Variants in TMTC2 observed in about 807,000 individuals in gnomAD.
TMTC2 encodes the protein protein O-mannosyl-transferase TMTC2.
TMTC2 carries 43 observed loss-of-function variants against 82.4 expected under a neutral mutation model. The observed-to-expected ratio is 0.52, with a 90% CI of 0.41 to 0.67. TMTC2 has a LOEUF of 0.67. Ranked by LOEUF, TMTC2 falls within the 30% of genes least tolerant of loss-of-function variation. The pLI is 0.00. For missense variants in TMTC2, 919 were observed against 1,012.4 expected (o/e 0.91, Z 1.25); for synonymous variants, 408 against 381.9 (o/e 1.07, Z -0.80).
In TMTC2 at chr12:82,687,485, T is replaced by C. The variant is rs1872371628; in HGVS notation, c.-102T>C. ...TGGGGAAGCGAGGGAAAAGTGAAGC[T>C]GGGAGGAGAAGGCGGCGGAAGGTGG... On this transcript the variant is annotated 5_prime_UTR_variant, in exon 1 of 12. Transcript: ENST00000321196. 7 of 1,133,810 alleles carry C rather than the reference T, an allele frequency of 6.2e-6. No homozygotes were observed. Among genetic ancestry groups the C allele is most frequent in the Admixed American group, 2.0e-5 (1 of 48,964 alleles). The allele number at this position is 1,133,810 out of a possible 1,614,324, so 70.2% of individuals were successfully genotyped here.
At chr12:83,006,847 A>G (rs996091821) in intron 8 of TMTC2, among the ~76,000 whole-genome samples, 3 of 152,172 alleles carry the variant, frequency 2.0e-5, no homozygotes, top group Non-Finnish European at 4.4e-5. Flanking sequence ...AAACTATCAC[A>G]AGGACAGAAA....
chr12:82,844,341 G>A (rs1357185217), intron 1 of TMTC2, among the ~76,000 whole-genome samples: 2 of 152,186 alleles, frequency 1.3e-5, no homozygotes, highest in Admixed American at 1.3e-4. Flanking sequence ...TTAACTGGGT[G>A]TATTCTTAGC....
chr12:82,935,610 A>G (rs568390221), intron 4 of TMTC2, among the ~76,000 whole-genome samples: 2 of 152,188 alleles, frequency 1.3e-5, no homozygotes, highest in Non-Finnish European at 2.9e-5. Flanking sequence ...GAAAGAGTCA[A>G]TGTCCTTTTG....
intron 8 of TMTC2, among the ~76,000 whole-genome samples, chr12:83,013,011 A>G (rs1880529092): frequency 1.3e-5 from 2 of 152,166 alleles, no homozygotes; most frequent in African/African-American, 2.4e-5. Context: ...ATTTACACTG[A>G]AAAAGATTAT....
chr12:83,099,774 G>C (rs1440896720), intron 11 of TMTC2, among the ~76,000 whole-genome samples: 2 of 151,316 alleles, frequency 1.3e-5, no homozygotes, highest in East Asian at 3.9e-4. Flanking sequence ...CCTTACCCTT[G>C]CAAATAATGT....
intron 1 of TMTC2, among the ~76,000 whole-genome samples, chr12:82,826,647 G>A (rs1565767795): frequency 6.6e-6 from 1 of 152,098 alleles, no homozygotes; most frequent in African/African-American, 2.4e-5. Flanking sequence ...CTTCAGTGGG[G>A]GTAGAAAGTC....
In TMTC2 at chr12:82,795,920, G is replaced by T. The variant is rs568542090; in HGVS notation, c.84-61090G>T. On this transcript the variant is annotated intron_variant, in intron 1 of 11. Transcript: ENST00000321196. ...CAAAGCAAACTAAGATAACAGTGGA[G>T]AACATGATTAAGTGATTTCCACTGC... Among the ~76,000 whole-genome samples the T allele has an allele frequency of 3.0e-3, 451 of 152,288 alleles. 4 individuals carry two copies. The highest frequency in any genetic ancestry group is 0.011 in the South Asian group (55 of 4,824).
At chr12:83,081,737 C>T (rs1325770633) in intron 11 of TMTC2, among the ~76,000 whole-genome samples, 2 of 152,140 alleles carry the variant, frequency 1.3e-5, no homozygotes, top group Non-Finnish European at 2.9e-5. Flanking sequence ...AAATAATCTA[C>T]TTAGAAATAT....
rs144733718 is a variant in TMTC2, at chr12:83,059,566, G to GT, written c.2268-2195dup. ...GACATATATAGTAAATCCTAGTGGGGTTTTTTTCCCACCTCATCAGAATTT... is the reference window on the plus strand; with the variant it reads ...GACATATATAGTAAATCCTAGTGGGGTTTTTTTTCCCACCTCATCAGAATTT... On this transcript the variant is annotated intron_variant, in intron 10 of 11. Coordinates refer to ENST00000321196, the MANE Select transcript of TMTC2 (RefSeq NM_152588.3). Among the ~76,000 whole-genome samples the GT allele has an allele frequency of 2.0e-5, 3 of 151,558 alleles. No homozygotes were observed. The South Asian group carries it at 6.2e-4, about 31-fold the overall frequency.
At chr12:82,964,259 A>G (rs1200218096) in intron 4 of TMTC2, among the ~76,000 whole-genome samples, 1 of 152,008 alleles carries the variant, frequency 6.6e-6, no homozygotes. Flanking sequence ...CCTTGTTTTC[A>G]TAGACATGCC....
At chr12:82,991,355 C>G (rs1241036467) in intron 8 of TMTC2, among the ~76,000 whole-genome samples, 1 of 152,018 alleles carries the variant, frequency 6.6e-6, no homozygotes, top group Non-Finnish European at 1.5e-5. Flanking sequence ...CTACTTATTC[C>G]CCCATCCTCT....
rs565331167 is a variant in TMTC2, at chr12:82,877,820, A to G, written c.655-17998A>G. On this transcript the variant is annotated intron_variant, in intron 2 of 11. Transcript: ENST00000321196. ...TCCCATTGTTTTAATGCCCCAATTA[A>G]TACAGTACCCAGTAGAAGAAAAAAC... 3.6e-4 allele frequency among the ~76,000 whole-genome samples: 55 copies of G among 152,318 alleles called. No individual in the cohort carries two copies. The South Asian group carries it at 0.01, about 28-fold the overall frequency.
chr12:83,078,520 G>C (rs890967489), intron 11 of TMTC2, among the ~76,000 whole-genome samples: 3 of 152,214 alleles, frequency 2.0e-5, no homozygotes, highest in Admixed American at 1.3e-4. Context: ...AAATTTTTCA[G>C]TTTTTGTCGT....
intron 2 of TMTC2, among the ~76,000 whole-genome samples, chr12:82,867,001 C>T (rs578033793): frequency 6.6e-6 from 1 of 152,248 alleles, no homozygotes; most frequent in East Asian, 1.9e-4. Context: ...ACTTAATGGT[C>T]ATAGTATTTC....
intron 1 of TMTC2, among the ~76,000 whole-genome samples, chr12:82,777,349 A>G (rs1175249817): frequency 1.3e-5 from 2 of 152,164 alleles, no homozygotes; most frequent in Non-Finnish European, 2.9e-5. Context: ...TAGGTTAAAT[A>G]TGCTTTTCTC....
intron 11 of TMTC2, among the ~76,000 whole-genome samples, chr12:83,117,012 T>C (rs1884784266): frequency 6.6e-6 from 1 of 152,234 alleles, no homozygotes; most frequent in African/African-American, 2.4e-5. Context: ...TCAACCAATG[T>C]CTAGAAGGGT....
intron 1 of TMTC2, among the ~76,000 whole-genome samples, chr12:82,781,081 A>G (rs1294238856): frequency 9.2e-5 from 14 of 152,076 alleles, no homozygotes; most frequent in Admixed American, 9.2e-4. Context: ...TGCTGGTATA[A>G]TAAAATCTCT....
intron 1 of TMTC2, among the ~76,000 whole-genome samples, chr12:82,824,625 A>G (rs1007118599): frequency 2.0e-5 from 3 of 152,260 alleles, no homozygotes; most frequent in African/African-American, 7.2e-5. Context: ...TGTAACATTT[A>G]GTAAAATTAA....
chr12:83,012,864 T>C (rs1565852419), intron 8 of TMTC2, among the ~76,000 whole-genome samples: 1 of 152,134 alleles, frequency 6.6e-6, no homozygotes, highest in Non-Finnish European at 1.5e-5. Flanking sequence ...TAGGTATGAA[T>C]TATGGCAGCT....
Sources: allele counts gnomAD v4.1 joint callset (sites outside exome capture counted in the v4.1 genomes callset), GRCh38; gene constraint gnomAD v4.1.1; transcripts MANE v1.5; gene names NCBI Gene and HGNC (gene_info 2026-07-23, HGNC 2026-07-21).